Variants in UGT1A5 observed in about 807,000 individuals in gnomAD.
UGT1A5 encodes UDP glucuronosyltransferase family 1 member A5.
Under a neutral mutation model 40.3 loss-of-function variants are expected in UGT1A5, and 29 were observed. That is an observed-to-expected ratio of 0.72 (90% CI 0.54 to 0.98). The LOEUF is 0.98. Among genes scored for constraint, UGT1A5 ranks in the 50% least tolerant of loss-of-function variants. UGT1A5 has a pLI of 0.00. For synonymous variants in UGT1A5, 257 were observed against 262.5 expected (o/e 0.98, Z 0.20); for missense variants, 678 against 677.9 (o/e 1.00, Z 0.00).
chr2:233,743,984 C>T (rs1692627890), intron 1 of UGT1A5: 2 of 1,291,724 alleles, frequency 1.5e-6, no homozygotes, highest in South Asian at 1.3e-5. Context: ...CACCCAGGCG[C>T]AGGCCCGAGT....
intron 1 of UGT1A5, among the ~76,000 whole-genome samples, chr2:233,760,004 A>G (rs1697302035): frequency 6.6e-6 from 1 of 152,168 alleles, no homozygotes; most frequent in South Asian, 2.1e-4. Flanking sequence ...TGGAAATACT[A>G]ATTTAATGGA....
chr2:233,726,176 A>G (rs540012299), intron 1 of UGT1A5, among the ~76,000 whole-genome samples: 204 of 152,304 alleles, frequency 1.3e-3, no homozygotes, highest in African/African-American at 4.7e-3. Context: ...AAAAAAATAA[A>G]AATTTCTTTG....
chr2:233,732,903 T>A (rs1448905954), intron 1 of UGT1A5, among the ~76,000 whole-genome samples: 1 of 152,162 alleles, frequency 6.6e-6, no homozygotes, highest in Non-Finnish European at 1.5e-5. Flanking sequence ...CCTTGGGCAG[T>A]ATGGCCATTT....
At chr2:233,717,451 T>C (rs1244065037) in intron 1 of UGT1A5, among the ~76,000 whole-genome samples, 1 of 152,228 alleles carries the variant, frequency 6.6e-6, no homozygotes, top group Non-Finnish European at 1.5e-5. Flanking sequence ...ATCCATTCAC[T>C]GCCTGTCCCA....
At chr2:233,724,564 C>T (rs1389770711) in intron 1 of UGT1A5, among the ~76,000 whole-genome samples, 17 of 122,772 alleles carry the variant, frequency 1.4e-4, no homozygotes, top group African/African-American at 2.4e-4. Flanking sequence ...CCAGATGGGG[C>T]GGCGGGGCAG....
rs1022651903 is a variant in UGT1A5, at chr2:233,768,540, A to G, written c.1307+101A>G. ...CGTAGCATTTAATAGCGTTGTTTCA[A>G]ATATAAAAACAAATACATAAAAATC... On this transcript the variant is annotated intron_variant, in intron 4 of 4. Transcript: ENST00000373414. The G allele has an allele frequency of 7.3e-6, 11 of 1,497,966 alleles. No individual in the cohort carries two copies. The African/African-American group carries it at 1.4e-4, about 19-fold the overall frequency. The allele number at this position is 1,497,966 out of a possible 1,614,324, so 92.8% of individuals were successfully genotyped here.
intron 1 of UGT1A5, among the ~76,000 whole-genome samples, chr2:233,759,233 GA>G (rs1406502603): frequency 6.6e-6 from 1 of 152,188 alleles, no homozygotes; most frequent in Non-Finnish European, 1.5e-5. Flanking sequence ...ATGAAGGATG[GA>G]AACTTGCTTA....
chr2:233,734,975 A>G (rs1254918242), intron 1 of UGT1A5, among the ~76,000 whole-genome samples: 1 of 152,228 alleles, frequency 6.6e-6, no homozygotes, highest in Non-Finnish European at 1.5e-5. Context: ...TGGTGCTGAG[A>G]AGAATGTATA....
intron 1 of UGT1A5, among the ~76,000 whole-genome samples, chr2:233,756,978 C>T (rs1696373948): frequency 1.3e-5 from 2 of 151,968 alleles, no homozygotes; most frequent in Admixed American, 1.3e-4. Context: ...ACGCAATGAA[C>T]AGTCATAGTA....
At chr2:233,716,666 G>A (rs1298911663) in intron 1 of UGT1A5, among the ~76,000 whole-genome samples, 1 of 152,050 alleles carries the variant, frequency 6.6e-6, no homozygotes, top group East Asian at 1.9e-4. Flanking sequence ...AGGAAGCTTT[G>A]TTTACCCCAA....
chr2:233,761,079 C>T, intron 1 of UGT1A5: 1 of 1,614,120 alleles, frequency 6.2e-7, no homozygotes, highest in Non-Finnish European at 8.5e-7. Flanking sequence ...TGAAGGATTA[C>T]CCTAGGCCCA....
chr2:233,713,855 T>C lies in UGT1A5; in HGVS notation c.864T>C (p.Ser288=). 1 of 1,613,968 alleles carries C rather than the reference T, an allele frequency of 6.2e-7. No individual in the cohort carries two copies. The highest frequency in any genetic ancestry group is 1.3e-5 in the African/African-American group (1 of 75,056). ...ACTGTGCCAACGGGAAGCCACTATC[T>C]CAGGTCTGTATTGGTGCCTTTATCC... The part of the protein sequence containing the change: ...GINCANGKPL[S]QEFEAYINAS... Residue 288 remains serine, a synonymous_variant, in exon 1 of 5, where the codon TCT becomes TCC. Transcript: ENST00000373414.
chr2:233,735,459 T>C (rs1405136849), intron 1 of UGT1A5, among the ~76,000 whole-genome samples: 1 of 152,220 alleles, frequency 6.6e-6, no homozygotes, highest in African/African-American at 2.4e-5. Context: ...CTTGACTCTT[T>C]ATCCAATTTG....
intron 1 of UGT1A5, among the ~76,000 whole-genome samples, chr2:233,734,381 T>A (rs1311461253): frequency 1.3e-5 from 2 of 152,186 alleles, no homozygotes; most frequent in Non-Finnish European, 2.9e-5. Context: ...TTGCCTTTAC[T>A]ATTTTTTATT....
intron 1 of UGT1A5, among the ~76,000 whole-genome samples, chr2:233,741,256 C>T (rs1347287188): frequency 6.6e-6 from 1 of 151,868 alleles, no homozygotes; most frequent in Non-Finnish European, 1.5e-5. Context: ...GTATGCCACT[C>T]TTTGCTGACC....
rs897493139 is a variant in UGT1A5, at chr2:233,718,976, T to C, written c.867+5118T>C. ...TGCGGGAGGCCTTGCGGGAGCTCCATGCCAGAGGCCACCAGGCGGTGGTCC... is the reference window on the plus strand; with the variant it reads ...TGCGGGAGGCCTTGCGGGAGCTCCACGCCAGAGGCCACCAGGCGGTGGTCC... On this transcript the variant is annotated intron_variant, in intron 1 of 4. Coordinates refer to ENST00000373414, the MANE Select transcript of UGT1A5 (RefSeq NM_019078.2). 8 of 1,614,114 alleles carry C rather than the reference T, an allele frequency of 5.0e-6. No individual in the cohort carries two copies. In the Admixed American group the frequency reaches 1.3e-4, roughly 27 times the overall value.
chr2:233,772,245 A>T lies in UGT1A5; in HGVS notation c.1308-17A>T, dbSNP rs1279252088. The T allele has an allele frequency of 1.2e-6, 2 of 1,614,050 alleles. No individual in the cohort carries two copies. The highest frequency in any genetic ancestry group is 1.7e-5 in the Admixed American group (1 of 60,002). On this transcript the variant is annotated splice_polypyrimidine_tract_variant and intron_variant, in intron 4 of 4. Coordinates refer to ENST00000373414, the MANE Select transcript of UGT1A5 (RefSeq NM_019078.2). ...CCACAGGTGTTCCAGGCATAACGAAACTGTCTTTGTGTTTAGTTACAAGGA... is the reference window on the plus strand; with the variant it reads ...CCACAGGTGTTCCAGGCATAACGAATCTGTCTTTGTGTTTAGTTACAAGGA...
chr2:233,772,141 A>C, intron 4 of UGT1A5, 121 bp from the exon 5 acceptor site: 1 of 1,549,926 alleles, frequency 6.5e-7, no homozygotes, highest in Non-Finnish European at 8.7e-7. Context: ...CAATAATAGA[A>C]ACAGGTTTCC....
intron 1 of UGT1A5, among the ~76,000 whole-genome samples, chr2:233,746,366 TC>T (rs2125877621): frequency 6.6e-6 from 1 of 151,852 alleles, no homozygotes; most frequent in East Asian, 1.9e-4. Context: ...TAGTAACAAG[TC>T]CCTTCATTCT....
Sources: allele counts gnomAD v4.1 joint callset (sites outside exome capture counted in the v4.1 genomes callset), GRCh38; gene constraint gnomAD v4.1.1; transcripts MANE v1.5; gene names NCBI Gene and HGNC (gene_info 2026-07-23, HGNC 2026-07-21).